The following ASAP1 variants were observed in gnomAD, a reference collection of about 807,000 sequenced individuals.
The protein encoded by ASAP1 is ArfGAP with SH3 domain, ankyrin repeat and PH domain 1.
ASAP1 carries 43 observed loss-of-function variants against 145.2 expected under a neutral mutation model. The observed-to-expected ratio is 0.30, with a 90% CI of 0.23 to 0.38. The LOEUF (loss-of-function observed/expected upper bound fraction) is 0.38. Ranked by LOEUF, ASAP1 falls within the 10% of genes least tolerant of loss-of-function variation. ASAP1 has a pLI of 1.00. For synonymous variants in ASAP1, 546 were observed against 515.5 expected, an observed-to-expected ratio of 1.06 and a Z score of -0.80; for missense variants, 1,018 against 1,355.3, an observed-to-expected ratio of 0.75 and a Z score of 3.91.
chr8:130,116,103 T>C (rs866135188), intron 22 of ASAP1, among the ~76,000 whole-genome samples: 15 of 152,194 alleles, frequency 9.9e-5, no homozygotes, highest in Admixed American at 4.6e-4. Flanking sequence ...ATTCATAAAA[T>C]GGGAGCAGGG....
intron 10 of ASAP1, among the ~76,000 whole-genome samples, chr8:130,168,102 T>G (rs1374576684): frequency 6.6e-6 from 1 of 152,150 alleles, no homozygotes; most frequent in East Asian, 1.9e-4. Context: ...TGAACCATGT[T>G]AACTACTAAA....
At chr8:130,336,408 A>T (rs953952248) in intron 3 of ASAP1, among the ~76,000 whole-genome samples, 2 of 152,244 alleles carry the variant, frequency 1.3e-5, no homozygotes, top group African/African-American at 2.4e-5. Context: ...AACCTACCAA[A>T]TTAGAATCAG....
chr8:130,118,497 G>A lies in ASAP1; in HGVS notation c.1786C>T (p.Pro596Ser), dbSNP rs944068676. ...TTTTAGTGAGGCCTTACCTGCCCAG[G>A]TTCCAGCAGTGGTTCCATTAGCTCT... Reference protein sequence around the residue: ...GVELMEPLLEPGQELGETALH... With the variant: ...GVELMEPLLESGQELGETALH... Residue 596 changes from proline (P) to serine (S), a missense_variant, in exon 19 of 30, where the codon CCT (proline) becomes TCT (serine). This residue lies in a region of ASAP1 where 353 missense variants were observed against 375.4 expected (regional missense o/e 0.94). Transcript: ENST00000518721. 4.4e-6 allele frequency: 7 copies of A among 1,606,492 alleles called. No homozygotes were observed. The highest frequency in any genetic ancestry group is 2.7e-5 in the African/African-American group (2 of 74,704).
intron 27 of ASAP1, among the ~76,000 whole-genome samples, chr8:130,072,000 CT>C (rs1184547824): frequency 2.0e-5 from 3 of 152,224 alleles, no homozygotes; most frequent in African/African-American, 7.2e-5. Flanking sequence ...AGGCAGGCCC[CT>C]GACCTTCTCT....
At chr8:130,073,239 A>G (rs966490763) in intron 27 of ASAP1, among the ~76,000 whole-genome samples, 1 of 151,852 alleles carries the variant, frequency 6.6e-6, no homozygotes, top group Non-Finnish European at 1.5e-5. Flanking sequence ...AAAAATACAA[A>G]ATTTGATGGG....
intron 8 of ASAP1, among the ~76,000 whole-genome samples, chr8:130,179,805 A>G (rs923037571): frequency 2.6e-5 from 4 of 152,126 alleles, no homozygotes; most frequent in African/African-American, 9.7e-5. Context: ...TAAAAGTAAG[A>G]ATAACCCACT....
intron 3 of ASAP1, among the ~76,000 whole-genome samples, chr8:130,347,949 C>T (rs1825791942): frequency 6.6e-6 from 1 of 152,134 alleles, no homozygotes; most frequent in African/African-American, 2.4e-5. Context: ...GGGAAGGGAC[C>T]TCTTACAATA....
intron 27 of ASAP1, among the ~76,000 whole-genome samples, chr8:130,065,092 C>T (rs973293804): frequency 4.6e-5 from 7 of 152,012 alleles, no homozygotes; most frequent in African/African-American, 1.2e-4. Flanking sequence ...TGTTACCCGG[C>T]TGGTCTCCAC....
At position 130,394,439 on chromosome 8, in the gene ASAP1, T is replaced by A. The variant is rs544421433; in HGVS notation, c.59+7446A>T. 1.8e-4 allele frequency among the ~76,000 whole-genome samples: 28 copies of A among 152,276 alleles called. No homozygotes were observed. The South Asian group carries it at 3.7e-3, about 20-fold the overall frequency. ...CCTAATAAATTTTGGTCAGACCGGTTGCTCTCAAACATGTTATCAATGACA... is the reference window on the plus strand; with the variant it reads ...CCTAATAAATTTTGGTCAGACCGGTAGCTCTCAAACATGTTATCAATGACA... On this transcript the variant is annotated intron_variant, in intron 2 of 29. Transcript: ENST00000518721.
chr8:130,284,268 G>A (rs1821454635), intron 3 of ASAP1, among the ~76,000 whole-genome samples: 1 of 152,018 alleles, frequency 6.6e-6, no homozygotes, highest in Non-Finnish European at 1.5e-5. Flanking sequence ...TCAAAACATT[G>A]GAGCAATAAA....
chr8:130,153,614 C>G, intron 12 of ASAP1, among the ~76,000 whole-genome samples: 1 of 150,388 alleles, frequency 6.6e-6, no homozygotes, highest in East Asian at 2.0e-4. Context: ...GCAATCTGCC[C>G]GCCTCGCCCT....
At chr8:130,058,880 G>C (rs549984933) in intron 28 of ASAP1, among the ~76,000 whole-genome samples, 3 of 152,172 alleles carry the variant, frequency 2.0e-5, no homozygotes, top group Non-Finnish European at 4.4e-5. Context: ...GGCCGTGCGG[G>C]TGGGTTGGAG....
intron 24 of ASAP1, among the ~76,000 whole-genome samples, chr8:130,094,514 TA>T (rs879317433): frequency 9.0e-4 from 132 of 147,064 alleles, no homozygotes; most frequent in East Asian, 2.8e-3. Flanking sequence ...AGTCTAAATT[TA>T]AAAAAAAAAA....
At chr8:130,418,414 G>T (rs144662689) in intron 1 of ASAP1, among the ~76,000 whole-genome samples, 5,171 of 152,206 alleles carry the variant, frequency 0.034, 126 homozygotes, top group Middle Eastern at 0.068. Flanking sequence ...CGGTCATGGT[G>T]GCATGAGCCT....
intron 12 of ASAP1, among the ~76,000 whole-genome samples, chr8:130,156,891 G>A (rs1347695446): frequency 6.6e-6 from 1 of 152,130 alleles, no homozygotes; most frequent in Non-Finnish European, 1.5e-5. Flanking sequence ...GATCTTCCTT[G>A]GATATACAGA....
At chr8:130,182,003 C>T (rs1814388352) in intron 7 of ASAP1, among the ~76,000 whole-genome samples, 1 of 152,230 alleles carries the variant, frequency 6.6e-6, no homozygotes, top group Non-Finnish European at 1.5e-5. Context: ...GAAAAATCTA[C>T]TTATAAACCC....
intron 3 of ASAP1, among the ~76,000 whole-genome samples, chr8:130,256,998 T>C (rs1440166422): frequency 1.3e-5 from 2 of 151,674 alleles, no homozygotes; most frequent in Non-Finnish European, 2.9e-5. Context: ...GCATCATTTC[T>C]TCCCTTTTTT....
chr8:130,370,239 T>G (rs1320524756), intron 2 of ASAP1, among the ~76,000 whole-genome samples: 1 of 151,664 alleles, frequency 6.6e-6, no homozygotes. Flanking sequence ...GAGGCGGAGG[T>G]TGCAGTCAGC....
intron 3 of ASAP1, among the ~76,000 whole-genome samples, chr8:130,336,996 AT>A (rs1364130235): frequency 6.6e-6 from 1 of 152,210 alleles, no homozygotes; most frequent in African/African-American, 2.4e-5. Context: ...CCCTGGAAGG[AT>A]CCTGGGACTT....
Sources: gnomAD v4.1 joint callset for allele counts (sites outside exome capture counted in the v4.1 genomes callset) on GRCh38, gnomAD v4.1.1 for gene constraint, gnomAD v4.1.1 regional missense constraint, MANE v1.5 for transcripts, NCBI Gene and HGNC (gene_info 2026-07-23, HGNC 2026-07-21) for gene names.